Variants in GPHN observed in about 807,000 individuals in gnomAD.
The protein encoded by GPHN is gephyrin.
GPHN carries 17 observed loss-of-function variants against 95.5 expected under a neutral mutation model. That is an observed-to-expected ratio of 0.18 (90% CI 0.12 to 0.27). The LOEUF is 0.27. GPHN is among the 10% of genes least tolerant of loss of function. The pLI, the probability that GPHN is intolerant of heterozygous loss-of-function variation, is 1.00. For missense variants in GPHN, 660 were observed against 978.1 expected, an observed-to-expected ratio of 0.67 and a Z score of 4.34; for synonymous variants, 320 against 322.5, an observed-to-expected ratio of 0.99 and a Z score of 0.08.
At chr14:67,104,677 T>G (rs2077938376) in intron 13 of GPHN, among the ~76,000 whole-genome samples, 1 of 152,192 alleles carries the variant, frequency 6.6e-6, no homozygotes, top group African/African-American at 2.4e-5. Flanking sequence ...TGACCCTTTG[T>G]ATTTCTGTAG....
rs1245997213 is a variant in GPHN, at chr14:66,804,400, T to C, written c.202-20074T>C. On this transcript the variant is annotated intron_variant, in intron 3 of 22. Transcript: ENST00000478722. ...TCAGACTTACTTCCCTAGCAAGTCT[T>C]TGTTTTTCAATTATTATGAACAATG... 2.6e-5 allele frequency among the ~76,000 whole-genome samples: 4 copies of C among 152,236 alleles called. No individual in the cohort carries two copies. In the South Asian group the frequency reaches 8.3e-4, roughly 31 times the overall value.
At chr14:67,629,858 G>T in the GPHN span, among the ~76,000 whole-genome samples, 25 of 152,148 alleles carry the variant, frequency 1.6e-4, no homozygotes, top group South Asian at 4.6e-3. Context: ...GTGTGGATCC[G>T]ATAGATACTT....
intron 1 of GPHN, among the ~76,000 whole-genome samples, chr14:66,583,037 C>T (rs1161940229): frequency 6.6e-6 from 1 of 152,174 alleles, no homozygotes; most frequent in South Asian, 2.1e-4. Flanking sequence ...CACATCCTCT[C>T]CAGCACCTGT....
At chr14:67,036,764 A>G (rs2074444925) in intron 10 of GPHN, among the ~76,000 whole-genome samples, 1 of 152,000 alleles carries the variant, frequency 6.6e-6, no homozygotes, top group Admixed American at 6.6e-5. Context: ...GAAAACCACA[A>G]ATCATTGCTG....
At chr14:67,224,625 AT>A in the GPHN span, 5,502 of 265,480 alleles carry the variant, frequency 0.021, 3 homozygotes, top group South Asian at 0.034. Context: ...TAACTTTTAA[AT>A]TTTTTTTTTT....
At chr14:67,060,971 T>G (rs2075801967) in intron 11 of GPHN, among the ~76,000 whole-genome samples, 1 of 152,246 alleles carries the variant, frequency 6.6e-6, no homozygotes, top group Non-Finnish European at 1.5e-5. Flanking sequence ...TACTTGTTTT[T>G]CTACATCCTC....
At chr14:67,267,698 A>C in the GPHN span, among the ~76,000 whole-genome samples, 2 of 152,206 alleles carry the variant, frequency 1.3e-5, no homozygotes, top group Admixed American at 6.5e-5. Context: ...ACTGAAATCT[A>C]ATATTAGGAC....
At chr14:66,767,425 A>G (rs1183235469) in intron 2 of GPHN, among the ~76,000 whole-genome samples, 1 of 145,438 alleles carries the variant, frequency 6.9e-6, no homozygotes, top group East Asian at 2.0e-4. Context: ...TCTATTGCAG[A>G]CTCGCTTTTT....
the GPHN span, among the ~76,000 whole-genome samples, chr14:67,712,836 A>G: frequency 0.13 from 19,207 of 152,110 alleles, 1,482 homozygotes; most frequent in South Asian, 0.33. Flanking sequence ...AGCTAGCAAA[A>G]AGGTGGCCTT....
At chr14:66,545,394 C>G (rs1466808179) in intron 1 of GPHN, among the ~76,000 whole-genome samples, 3 of 133,330 alleles carry the variant, frequency 2.3e-5, no homozygotes, top group Non-Finnish European at 4.8e-5. Flanking sequence ...CTGACCCCCC[C>G]ACCTCCCTCC....
the GPHN span, chr14:67,487,278 C>T: frequency 0.067 from 10,244 of 152,334 alleles, 528 homozygotes; most frequent in East Asian, 0.24. Context: ...ACACTCATCC[C>T]ACCCTGGCCA....
chr14:67,332,700 T>A, the GPHN span: 1 of 1,419,780 alleles, frequency 7.0e-7, no homozygotes, highest in South Asian at 1.4e-5. Context: ...TCGCTCCTTG[T>A]TCTTTGGCCA....
In GPHN at chr14:66,862,529, A is replaced by C. The variant is rs1003212343; in HGVS notation, c.295-17410A>C. Reference sequence around the variant, plus strand: ...TACCAAAATCAGGCCAAGACATGTAAGAAAGAAAAGAAAAGAAAATTACAG... The same window carrying C: ...TACCAAAATCAGGCCAAGACATGTACGAAAGAAAAGAAAAGAAAATTACAG... On this transcript the variant is annotated intron_variant, in intron 4 of 22. Coordinates refer to ENST00000478722, the MANE Select transcript of GPHN (RefSeq NM_020806.5). 1.4e-4 allele frequency among the ~76,000 whole-genome samples: 21 copies of C among 152,136 alleles called. No individual in the cohort carries two copies. The East Asian group carries it at 2.3e-3, about 17-fold the overall frequency.
intron 1 of GPHN, among the ~76,000 whole-genome samples, chr14:66,629,140 T>TA (rs1235604982): frequency 8.8e-5 from 11 of 125,468 alleles, no homozygotes; most frequent in East Asian, 2.1e-4. Context: ...TAAATATATA[T>TA]TTATATACAT....
intron 3 of GPHN, among the ~76,000 whole-genome samples, chr14:66,801,795 G>C (rs1242019166): frequency 2.3e-5 from 3 of 129,164 alleles, no homozygotes; most frequent in Admixed American, 7.9e-5. Flanking sequence ...ATCTATGCCC[G>C]CTCCCGCTCC....
At chr14:66,571,363 A>C (rs1566623641) in intron 1 of GPHN, among the ~76,000 whole-genome samples, 1 of 152,156 alleles carries the variant, frequency 6.6e-6, no homozygotes. Context: ...TACAATTCGA[A>C]ATGAGATTTG....
the GPHN span, chr14:67,395,651 G>A: frequency 1.4e-6 from 2 of 1,450,674 alleles, no homozygotes; most frequent in South Asian, 1.2e-5. Flanking sequence ...CAGCAAAAAT[G>A]ACGGGGCCCC....
rs1045339072 is a variant in GPHN at position 67,180,837 on chromosome 14, G to A, written c.2210G>A (p.Arg737His). ...NQMSSRLMSM[R>H]SANGLLMLPP... ...ATGAGCAGCCGTCTGATGAGCATGC[G>A]CAGTGCCAATGGATTGTTGATGCTA... Residue 737 changes from arginine (R) to histidine (H), a missense_variant, in exon 23 of 23, where the codon CGC becomes CAC. By Grantham distance (29) the Arg-to-His change is conservative. Coordinates refer to ENST00000478722, the MANE Select transcript of GPHN (RefSeq NM_020806.5). 6.2e-6 allele frequency: 10 copies of A among 1,613,628 alleles called. No homozygotes were observed. The highest frequency in any genetic ancestry group is 1.1e-5 in the South Asian group (1 of 91,062).
At chr14:66,519,158 GCTC>G (rs1354981230) in intron 1 of GPHN, among the ~76,000 whole-genome samples, 1 of 151,740 alleles carries the variant, frequency 6.6e-6, no homozygotes, top group Non-Finnish European at 1.5e-5. Context: ...AAATAAGAAA[GCTC>G]CTGAATTCTT....
Sources: allele counts gnomAD v4.1 joint callset (sites outside exome capture counted in the v4.1 genomes callset), GRCh38; gene constraint gnomAD v4.1.1; transcripts MANE v1.5; gene names NCBI Gene and HGNC (gene_info 2026-07-23, HGNC 2026-07-21).